Variants in IL21 observed in about 807,000 individuals in gnomAD.
IL21 encodes interleukin 21.
A neutral mutation model predicts 18.4 loss-of-function variants in IL21; 3 were observed. The observed-to-expected ratio is 0.16, with a 90% confidence interval of 0.07 to 0.42. The LOEUF is 0.42. IL21 is among the 10% of genes least tolerant of loss of function. The pLI, the probability that IL21 is intolerant of heterozygous loss-of-function variation, is 0.99. For missense variants in IL21, 130 were observed against 188.4 expected (o/e 0.69, Z 1.81); for synonymous variants, 37 against 62.0 (o/e 0.60, Z 1.90).
chr4:122,620,690 A>T lies in IL21; in HGVS notation c.204+11T>A. 1.2e-6 allele frequency: 2 copies of T among 1,607,534 alleles called. No homozygotes were observed. The highest frequency in any genetic ancestry group is 2.2e-5 in the East Asian group (1 of 44,856). On this transcript the variant is annotated intron_variant, in intron 2 of 4. Transcript: ENST00000648588. ...CAATGTATTTTCAGAAATAAATTCAACTGGTCTTACCTCTACATCTTCTGG... is the reference window on the plus strand; with the variant it reads ...CAATGTATTTTCAGAAATAAATTCATCTGGTCTTACCTCTACATCTTCTGG...
intron 2 of IL21, 60 bp from the exon 3 acceptor site, chr4:122,615,897 C>T: frequency 7.2e-7 from 1 of 1,387,428 alleles, no homozygotes; most frequent in Non-Finnish European, 9.9e-7. Flanking sequence ...TAAAAGATAG[C>T]TTTCCCAATC....
chr4:122,620,597 A>G lies in IL21; in HGVS notation c.204+104T>C, dbSNP rs568691401. ...CATCAATTATTAGACCGCTAAGTTC[A>G]TTAAAATTCAGTATACTCCTATATA... On this transcript the variant is annotated intron_variant, in intron 2 of 4. Coordinates refer to ENST00000648588, the MANE Select transcript of IL21 (RefSeq NM_021803.4). The G allele has an allele frequency of 1.3e-5, 13 of 976,896 alleles. 1 individual carries two copies. The South Asian group carries it at 1.6e-4, about 12-fold the overall frequency. The allele number at this position is 976,896 out of a possible 1,614,324, so 60.5% of individuals were successfully genotyped here.
rs896691449 is a variant in IL21 at position 122,612,226 on chromosome 4, A to G, written c.*484T>C. On this transcript the variant is annotated 3_prime_UTR_variant, in exon 5 of 5. Coordinates refer to ENST00000648588, the MANE Select transcript of IL21 (RefSeq NM_021803.4). ...CATTCTGAGATTTAAAAAACTATTC[A>G]GATATAAGTTTTTAAACACTCAGTT... 1.3e-5 allele frequency among the ~76,000 whole-genome samples: 2 copies of G among 151,998 alleles called. No individual in the cohort carries two copies. Among genetic ancestry groups the G allele is most frequent in the Non-Finnish European group, 2.9e-5 (2 of 67,984 alleles).
chr4:122,618,335 G>T (rs1799369240), intron 2 of IL21, among the ~76,000 whole-genome samples: 1 of 148,736 alleles, frequency 6.7e-6, no homozygotes. Context: ...TGCCCAGGTT[G>T]TTCTCAAACT....
intron 3 of IL21, among the ~76,000 whole-genome samples, chr4:122,614,423 G>T (rs775350265): frequency 1.3e-4 from 19 of 151,058 alleles, no homozygotes; most frequent in Non-Finnish European, 2.7e-4. Context: ...TAAAAAATTT[G>T]AGGCTGGGTG....
intron 2 of IL21, among the ~76,000 whole-genome samples, chr4:122,618,177 A>T (rs1799366368): frequency 6.6e-6 from 1 of 152,128 alleles, no homozygotes; most frequent in Non-Finnish European, 1.5e-5. Flanking sequence ...TTAACAAACC[A>T]TTCCTCTTCA....
rs115945250 is a variant in IL21 at position 122,616,744 on chromosome 4, A to G, written c.205-907T>C. 1.4e-3 allele frequency among the ~76,000 whole-genome samples: 207 copies of G among 152,368 alleles called. 1 individual carries two copies. The highest frequency in any genetic ancestry group is 4.9e-3 in the African/African-American group (202 of 41,580). On this transcript the variant is annotated intron_variant, in intron 2 of 4. Transcript: ENST00000648588. ...GGAAAGGAAATGGAATTTACTGGAAAAACCAAACATATACTGACTTGTTGA... is the reference window on the plus strand; with the variant it reads ...GGAAAGGAAATGGAATTTACTGGAAGAACCAAACATATACTGACTTGTTGA...
intron 2 of IL21, 98 bp from the exon 3 acceptor site, chr4:122,615,935 G>A (rs41278091): frequency 0.01 from 10,338 of 1,006,410 alleles, 70 homozygotes; most frequent in Middle Eastern, 0.031. Context: ...CTGCAATGTC[G>A]TGCATTACAT....
In IL21 at chr4:122,612,623, T is replaced by G. The variant is rs999981554; in HGVS notation, c.*87A>C. 4.2e-5 allele frequency: 41 copies of G among 981,498 alleles called. No homozygotes were observed. In the African/African-American group the frequency reaches 6.6e-4, roughly 16 times the overall value. The allele number at this position is 981,498 out of a possible 1,614,324, so 60.8% of individuals were successfully genotyped here. On this transcript the variant is annotated 3_prime_UTR_variant, in exon 5 of 5. Coordinates refer to ENST00000648588, the MANE Select transcript of IL21 (RefSeq NM_021803.4). ...GTTTTTTTTTCCCATCGCTAATATA[T>G]TGTACTCCTCCACTTGGAATACAAA...
At position 122,611,189 on chromosome 4, in the gene IL21, G is replaced by A. The variant is rs1284862370; in HGVS notation, c.*1521C>T. Among the ~76,000 whole-genome samples, 3 of 152,108 alleles carry A rather than the reference G, an allele frequency of 2.0e-5. No homozygotes were observed. Among genetic ancestry groups the A allele is most frequent in the Non-Finnish European group, 4.4e-5 (3 of 68,012 alleles). On this transcript the variant is annotated 3_prime_UTR_variant, in exon 5 of 5. Transcript: ENST00000648588. ...GTATTTGAAACTGAGGCACATTTTA[G>A]ATATATATTATCATCATCAGGCACA...
At position 122,620,789 on chromosome 4, in the gene IL21, T is replaced by C; in HGVS notation, c.169-53A>G. The C allele has an allele frequency of 2.5e-6, 4 of 1,611,470 alleles. No homozygotes were observed. In the South Asian group the frequency reaches 4.4e-5, roughly 18 times the overall value. On this transcript the variant is annotated intron_variant, in intron 1 of 4. Coordinates refer to ENST00000648588, the MANE Select transcript of IL21 (RefSeq NM_021803.4). ...TTATTTTTATAAGCCAAACCCTCCTTTTATATTAATTGAAAAGTATGATTT... is the reference window on the plus strand; with the variant it reads ...TTATTTTTATAAGCCAAACCCTCCTCTTATATTAATTGAAAAGTATGATTT...
Position 122,612,100 on chromosome 4 carries a change from T to C in IL21, c.*610A>G, listed in dbSNP as rs77492627. ...TATTCCATAAATACATTCATATCTA[T>C]AGTATTTAAATATTTTTATAAACCC... is the stretch of plus-strand genomic sequence containing the variant. On this transcript the variant is annotated 3_prime_UTR_variant, in exon 5 of 5. Transcript: ENST00000648588. 3.6e-4 allele frequency among the ~76,000 whole-genome samples: 55 copies of C among 151,938 alleles called. No individual in the cohort carries two copies. The highest frequency in any genetic ancestry group is 6.8e-4 in the Non-Finnish European group (46 of 67,930).
Position 122,615,297 on chromosome 4 carries a change from G to A in IL21, c.360+385C>T, listed in dbSNP as rs563298603. Among the ~76,000 whole-genome samples the A allele has an allele frequency of 1.4e-3, 207 of 152,266 alleles. 1 individual carries two copies. The highest frequency in any genetic ancestry group is 4.9e-3 in the African/African-American group (202 of 41,536). ...CACACTTTGGGAGGCCAAGGCGGGCGGATCACGGGGTCAGGAGATCGAGAC... is the reference window on the plus strand; with the variant it reads ...CACACTTTGGGAGGCCAAGGCGGGCAGATCACGGGGTCAGGAGATCGAGAC... On this transcript the variant is annotated intron_variant, in intron 3 of 4. Coordinates refer to ENST00000648588, the MANE Select transcript of IL21 (RefSeq NM_021803.4).
rs188897398 is a variant in IL21, at chr4:122,615,863, T to C, written c.205-26A>G. The C allele has an allele frequency of 2.3e-4, 363 of 1,575,714 alleles. 3 individuals are homozygous for C. In the African/African-American group the frequency reaches 4.7e-3, roughly 21 times the overall value. ...CTGAAAGATAAACAATTTGTATATA[T>C]GTTAACAAACATTATTCAGAAAGTA... On this transcript the variant is annotated intron_variant, in intron 2 of 4. Transcript: ENST00000648588.
At chr4:122,617,110 G>T (rs1478876224) in intron 2 of IL21, among the ~76,000 whole-genome samples, 1 of 152,140 alleles carries the variant, frequency 6.6e-6, no homozygotes, top group Non-Finnish European at 1.5e-5. Context: ...TATCAGGTTT[G>T]CTTTGCATAT....
intron 2 of IL21, chr4:122,619,582 G>A (rs1180632582): frequency 6.6e-6 from 1 of 152,186 alleles, no homozygotes; most frequent in Non-Finnish European, 1.5e-5. Flanking sequence ...AGTTAAACAA[G>A]GTGCATGAGA....
intron 3 of IL21, among the ~76,000 whole-genome samples, chr4:122,613,347 C>CTTTTTTT (rs34061725): frequency 3.2e-5 from 3 of 94,940 alleles, no homozygotes; most frequent in Non-Finnish European, 4.2e-5. Context: ...TTGCATCTAA[C>CTTTTTTT]TTTTTTTTTT....
chr4:122,611,022 A>G lies in IL21; in HGVS notation c.*1688T>C, dbSNP rs1799257051. ...AGAAATTTTTAACAATAAACATGCC[A>G]AAAGAAATACATTATTTTAAATATG... On this transcript the variant is annotated 3_prime_UTR_variant, in exon 5 of 5. Coordinates refer to ENST00000648588, the MANE Select transcript of IL21 (RefSeq NM_021803.4). Among the ~76,000 whole-genome samples, 1 of 152,238 alleles carries G rather than the reference A, an allele frequency of 6.6e-6. No individual in the cohort carries two copies. Among genetic ancestry groups the G allele is most frequent in the African/African-American group, 2.4e-5 (1 of 41,470 alleles).
At chr4:122,615,632 A>G (rs1161860465) in intron 3 of IL21, 50 bp downstream of exon 3, 3 of 1,538,832 alleles carry the variant, frequency 1.9e-6, no homozygotes, top group East Asian at 2.2e-5. Flanking sequence ...GTAATGCAAG[A>G]TATATAGTTT....
Sources: gnomAD v4.1 joint callset for allele counts (sites outside exome capture counted in the v4.1 genomes callset) on GRCh38, gnomAD v4.1.1 for gene constraint, MANE v1.5 for transcripts, NCBI Gene and HGNC (gene_info 2026-07-23, HGNC 2026-07-21) for gene names.